CYP19A1: variants seen among roughly 807,000 people sequenced by gnomAD.
The protein encoded by CYP19A1 is cytochrome P450 family 19 subfamily A member 1, also known as aromatase.
CYP19A1 carries 32 observed loss-of-function variants against 44.4 expected under a neutral mutation model. That is an observed-to-expected ratio of 0.72 (90% confidence interval 0.54 to 0.97). The LOEUF is 0.97. Among genes scored for constraint, CYP19A1 ranks in the 50% least tolerant of loss-of-function variants. The probability of loss-of-function intolerance (pLI) is 0.00; values close to 1 mark genes in which losing one functional copy is unlikely to be tolerated. For synonymous variants in CYP19A1, 212 were observed against 215.6 expected (o/e 0.98, Z 0.14); for missense variants, 598 against 637.8 (o/e 0.94, Z 0.67).
chr15:51,298,834 A>G (rs973339650), intron 1 of CYP19A1, among the ~76,000 whole-genome samples: 5 of 152,238 alleles, frequency 3.3e-5, no homozygotes, highest in African/African-American at 1.2e-4. Flanking sequence ...AGGAAGTTAG[A>G]AAAAAGGAGC....
At chr15:51,238,925 G>C (rs1372475102) in intron 2 of CYP19A1, among the ~76,000 whole-genome samples, 1 of 152,204 alleles carries the variant, frequency 6.6e-6, no homozygotes, top group Non-Finnish European at 1.5e-5. Context: ...GTCCCCATCA[G>C]AGTCTAGGGG....
At chr15:51,284,645 A>G (rs1036099925) in intron 1 of CYP19A1, among the ~76,000 whole-genome samples, 25 of 152,242 alleles carry the variant, frequency 1.6e-4, no homozygotes, top group African/African-American at 5.8e-4. Flanking sequence ...ATGTAATTGC[A>G]TTTAGCTTTA....
intron 5 of CYP19A1, chr15:51,221,963 A>C: frequency 3.4e-6 from 1 of 291,716 alleles, no homozygotes. Context: ...ATGTGTGGGT[A>C]TGTATGTATA....
intron 1 of CYP19A1, among the ~76,000 whole-genome samples, chr15:51,256,035 T>C (rs2034501051): frequency 6.6e-6 from 1 of 152,202 alleles, no homozygotes; most frequent in Admixed American, 6.5e-5. Flanking sequence ...GAACCAGACA[T>C]TTATTTAAAG....
At chr15:51,317,295 G>T (rs2036444698) in intron 1 of CYP19A1, among the ~76,000 whole-genome samples, 1 of 152,010 alleles carries the variant, frequency 6.6e-6, no homozygotes, top group Non-Finnish European at 1.5e-5. Context: ...ATTTTTAGTA[G>T]AGACAGGGTT....
chr15:51,303,271 AG>A (rs926602370), intron 1 of CYP19A1, among the ~76,000 whole-genome samples: 15 of 152,186 alleles, frequency 9.9e-5, no homozygotes, highest in African/African-American at 3.4e-4. Context: ...TAGGCAGGAC[AG>A]GCTGGGCCAG....
chr15:51,219,045 G>C (rs1225321194), intron 5 of CYP19A1, among the ~76,000 whole-genome samples: 1 of 152,174 alleles, frequency 6.6e-6, no homozygotes, highest in Non-Finnish European at 1.5e-5. Context: ...AGTGTAAAAA[G>C]CAGAGCCTGT....
At chr15:51,324,976 A>C (rs542955449) in intron 1 of CYP19A1, among the ~76,000 whole-genome samples, 20 of 152,352 alleles carry the variant, frequency 1.3e-4, no homozygotes, top group Admixed American at 6.5e-4. Flanking sequence ...AATAAAGAAA[A>C]TACTTCCTTT....
chr15:51,270,189 T>G (rs1395281758), intron 1 of CYP19A1, among the ~76,000 whole-genome samples: 3 of 152,086 alleles, frequency 2.0e-5, no homozygotes, highest in Admixed American at 6.6e-5. Context: ...CTTTGGTTTT[T>G]TTTTTGGTAC....
At chr15:51,220,823 C>G (rs1432873598) in intron 5 of CYP19A1, among the ~76,000 whole-genome samples, 1 of 152,080 alleles carries the variant, frequency 6.6e-6, no homozygotes, top group African/African-American at 2.4e-5. Context: ...AACACTAGGT[C>G]TTGTTTCTTC....
chr15:51,297,095 C>A (rs1474582225), intron 1 of CYP19A1, among the ~76,000 whole-genome samples: 1 of 152,178 alleles, frequency 6.6e-6, no homozygotes, highest in Non-Finnish European at 1.5e-5. Flanking sequence ...TCCAGAGACA[C>A]CAATGAACAG....
chr15:51,256,475 G>A (rs1050714787), intron 1 of CYP19A1, among the ~76,000 whole-genome samples: 2 of 152,226 alleles, frequency 1.3e-5, no homozygotes, highest in African/African-American at 4.8e-5. Context: ...TACCCCATGA[G>A]TGTAGCAGGG....
chr15:51,215,343 C>T, intron 7 of CYP19A1, 111 bp from the exon 8 acceptor site: 1 of 1,501,678 alleles, frequency 6.7e-7, no homozygotes, highest in Non-Finnish European at 9.2e-7. Context: ...ATCATAGAAA[C>T]CACATGTCTC....
At chr15:51,213,122 A>T (rs1220364134) in intron 8 of CYP19A1, among the ~76,000 whole-genome samples, 1 of 152,032 alleles carries the variant, frequency 6.6e-6, no homozygotes, top group Non-Finnish European at 1.5e-5. Context: ...TTTCAATGAA[A>T]TTTTCTCTTC....
At chr15:51,222,248 A>G in intron 5 of CYP19A1, 101 bp downstream of exon 5, 7 of 1,593,246 alleles carry the variant, frequency 4.4e-6, no homozygotes, top group Non-Finnish European at 6.0e-6. Flanking sequence ...AACAAGAGCA[A>G]TGTAGAAAAT....
chr15:51,316,442 T>C (rs147202773), intron 1 of CYP19A1, among the ~76,000 whole-genome samples: 1 of 152,362 alleles, frequency 6.6e-6, no homozygotes, highest in East Asian at 1.9e-4. Flanking sequence ...TTAAGTGTTT[T>C]GTAATAATAA....
chr15:51,281,531 A>G (rs1399174181), intron 1 of CYP19A1, among the ~76,000 whole-genome samples: 1 of 152,142 alleles, frequency 6.6e-6, no homozygotes, highest in East Asian at 1.9e-4. Context: ...GCTCCTATGG[A>G]AAAGCAGGAC....
At chr15:51,294,372 C>G (rs1223038653) in intron 1 of CYP19A1, among the ~76,000 whole-genome samples, 2 of 151,226 alleles carry the variant, frequency 1.3e-5, no homozygotes, top group Admixed American at 6.6e-5. Context: ...GCGACCCCAT[C>G]TGGGAGGTGA....
At chr15:51,211,785 C>T in intron 9 of CYP19A1, 1 of 322,372 alleles carries the variant, frequency 3.1e-6, no homozygotes, top group South Asian at 2.5e-5. Flanking sequence ...CTGTAGTACA[C>T]ATCAATTATA....
Sources: allele counts gnomAD v4.1 joint callset (sites outside exome capture counted in the v4.1 genomes callset), GRCh38; gene constraint gnomAD v4.1.1; transcripts MANE v1.5; gene names NCBI Gene and HGNC (gene_info 2026-07-23, HGNC 2026-07-21).